The following CTTN variants were observed in gnomAD, a reference collection of about 807,000 sequenced individuals.
CTTN encodes cortactin, also known as src substrate cortactin.
In CTTN, 28 loss-of-function variants were observed where a neutral mutation model predicts 84.0. The ratio of observed to expected loss-of-function variants is 0.33; its 90% confidence interval spans 0.25 to 0.46. CTTN has a LOEUF of 0.46. Among genes scored for constraint, CTTN ranks in the 20% least tolerant of loss-of-function variants. The pLI, the probability that CTTN is intolerant of heterozygous loss-of-function variation, is 1.00. For missense variants in CTTN, 641 were observed against 723.8 expected, an observed-to-expected ratio of 0.89 and a Z score of 1.31; for synonymous variants, 301 against 288.8, an observed-to-expected ratio of 1.04 and a Z score of -0.43.
Position 70,425,366 on chromosome 11 carries a change from C to T in CTTN, c.992C>T (p.Ser331Phe). ...ACCTTTGAGGATGTCACCCAGGTGT[C>T]CTCTGCCTACCAGAAGACAGTACCT... The part of the protein sequence containing the change: ...ASTFEDVTQV[S>F]SAYQKTVPVE... The change falls in exon 13 of 18, where the codon TCC becomes TTC. Residue 331 changes from serine (S) to phenylalanine (F), a missense_variant. Physicochemically the swap from Ser to Phe is radical, Grantham distance 155 (BLOSUM62 -2). Coordinates refer to ENST00000301843, the MANE Select transcript of CTTN (RefSeq NM_005231.4). 6.2e-7 allele frequency: 1 copy of T among 1,612,800 alleles called. No individual in the cohort carries two copies. Among genetic ancestry groups the T allele is most frequent in the African/African-American group, 1.3e-5 (1 of 75,038 alleles).
Position 70,435,133 on chromosome 11 carries a change from C to G in CTTN, c.1624C>G (p.Pro542Ala), listed in dbSNP as rs766343475. The change falls in exon 18 of 18, where the codon CCA becomes GCA. Residue 542 changes from proline (P) to alanine (A), a missense_variant. By Grantham distance (27) the Pro-to-Ala change is conservative. Transcript: ENST00000301843. Reference protein sequence around the residue: ...GVCKGRYGLFPANYVELRQ With the variant: ...GVCKGRYGLFAANYVELRQ ...GTGCAAGGGCCGGTACGGGCTCTTC[C>G]CAGCCAACTATGTGGAGCTGCGGCA... is the stretch of plus-strand genomic sequence containing the variant. 5.0e-6 allele frequency: 8 copies of G among 1,613,112 alleles called. No individual in the cohort carries two copies.
At chr11:70,420,825 G>T (rs1378941727) in intron 10 of CTTN, among the ~76,000 whole-genome samples, 1 of 151,840 alleles carries the variant, frequency 6.6e-6, no homozygotes, top group Non-Finnish European at 1.5e-5. Flanking sequence ...GCGGGGGGCT[G>T]GGTTTACCCG....
intron 15 of CTTN, 62 bp from the exon 16 acceptor site, chr11:70,433,039 C>T: frequency 2.0e-6 from 3 of 1,522,210 alleles, no homozygotes; most frequent in South Asian, 2.4e-5. Context: ...TGTGGCAGTA[C>T]AGCTACTGCT....
At chr11:70,401,660 A>C (rs1449624736) in intron 1 of CTTN, among the ~76,000 whole-genome samples, 1 of 151,216 alleles carries the variant, frequency 6.6e-6, no homozygotes, top group Non-Finnish European at 1.5e-5. Flanking sequence ...ACAAAAAAAA[A>C]CAAAAAAAAA....
intron 11 of CTTN, chr11:70,422,010 G>A (rs758667122): frequency 6.5e-5 from 14 of 214,136 alleles, no homozygotes; most frequent in African/African-American, 2.3e-4. Flanking sequence ...CAGGGGCTTC[G>A]TAGCAGCAAG....
At chr11:70,432,960 C>A in intron 15 of CTTN, 141 bp from the exon 16 acceptor site, 1 of 868,788 alleles carries the variant, frequency 1.2e-6, no homozygotes, top group Non-Finnish European at 1.8e-6. Context: ...CCTGGCCTTC[C>A]TATACCGCGT....
intron 10 of CTTN, among the ~76,000 whole-genome samples, chr11:70,421,176 C>T (rs577782089): frequency 2.6e-5 from 4 of 152,262 alleles, no homozygotes; most frequent in South Asian, 2.1e-4. Context: ...GTGCGTAGGA[C>T]GCTAAGAATG....
At chr11:70,408,211 A>C (rs187807735) in intron 4 of CTTN, 4 of 152,278 alleles carry the variant, frequency 2.6e-5, no homozygotes, top group Non-Finnish European at 5.9e-5. Context: ...CGCTGGGTTC[A>C]GAGTGGATCC....
chr11:70,405,641 G>T (rs942281050), intron 2 of CTTN, among the ~76,000 whole-genome samples: 1 of 152,184 alleles, frequency 6.6e-6, no homozygotes, highest in African/African-American at 2.4e-5. Context: ...CATGAACATG[G>T]GTGGGGCCCC....
chr11:70,436,119 A>C lies in CTTN; in HGVS notation c.*957A>C. 1 of 1,431,084 alleles carries C rather than the reference A, an allele frequency of 7.0e-7. No homozygotes were observed. Among genetic ancestry groups the C allele is most frequent in the Non-Finnish European group, 9.1e-7 (1 of 1,098,070 alleles). The allele number at this position is 1,431,084 out of a possible 1,614,324, so 88.6% of individuals were successfully genotyped here. A position where few individuals can be genotyped will look rare whatever the true frequency, so the allele number is the denominator to read the frequency against. On this transcript the variant is annotated 3_prime_UTR_variant, in exon 18 of 18. Coordinates refer to ENST00000301843, the MANE Select transcript of CTTN (RefSeq NM_005231.4). ...GCCGCCAGGAACCCTCCTCCTGTCAATGGGGGTGTAGTATTTTTGCCAAAA... is the reference window on the plus strand; with the variant it reads ...GCCGCCAGGAACCCTCCTCCTGTCACTGGGGGTGTAGTATTTTTGCCAAAA...
intron 12 of CTTN, among the ~76,000 whole-genome samples, chr11:70,424,441 T>C (rs1218551171): frequency 1.3e-5 from 2 of 152,042 alleles, no homozygotes; most frequent in Non-Finnish European, 2.9e-5. Flanking sequence ...CTCTGTTTGC[T>C]GTGTGATGGA....
chr11:70,433,741 T>C (rs2058382420), intron 17 of CTTN, 23 bp downstream of exon 17: 2 of 1,563,854 alleles, frequency 1.3e-6, no homozygotes, highest in Non-Finnish European at 1.8e-6. Context: ...CAAAAGCACT[T>C]GGAGGGGAGA....
intron 1 of CTTN, among the ~76,000 whole-genome samples, chr11:70,401,990 A>G (rs906152687): frequency 6.6e-6 from 1 of 151,992 alleles, no homozygotes; most frequent in Non-Finnish European, 1.5e-5. Context: ...CATCTCTACT[A>G]AAAATACAAA....
Position 70,435,221 on chromosome 11 carries a change from CT to C in CTTN, c.*62del. On this transcript the variant is annotated 3_prime_UTR_variant, in exon 18 of 18. Transcript: ENST00000301843. Reference sequence around the variant, plus strand: ...ATCCTCACACTACAGATCAGGCCTTCTTTGGTTCTTGGGTGGTTTTGGGTTT... The same window carrying C: ...ATCCTCACACTACAGATCAGGCCTTCTTGGTTCTTGGGTGGTTTTGGGTTT... The C allele has an allele frequency of 7.4e-7, 1 of 1,355,324 alleles. No individual in the cohort carries two copies. Among genetic ancestry groups the C allele is most frequent in the Non-Finnish European group, 9.5e-7 (1 of 1,055,650 alleles). The allele number at this position is 1,355,324 out of a possible 1,614,324, so 84.0% of individuals were successfully genotyped here.
At chr11:70,426,376 A>G (rs1591447854) in intron 13 of CTTN, among the ~76,000 whole-genome samples, 1 of 149,692 alleles carries the variant, frequency 6.7e-6, no homozygotes, top group Non-Finnish European at 1.5e-5. Flanking sequence ...GCGCCACTGC[A>G]CTCCAGCCTG....
At chr11:70,429,947 TCTC>T in intron 14 of CTTN, among the ~76,000 whole-genome samples, 1 of 152,138 alleles carries the variant, frequency 6.6e-6, no homozygotes, top group South Asian at 2.1e-4. Flanking sequence ...AGCCTGGGCT[TCTC>T]CTATCCACCC....
Position 70,434,140 on chromosome 11 carries a change from T to A in CTTN, c.1516+422T>A, listed in dbSNP as rs2058387938. Among the ~76,000 whole-genome samples the A allele has an allele frequency of 2.0e-5, 3 of 152,186 alleles. No homozygotes were observed. The South Asian group carries it at 6.2e-4, about 32-fold the overall frequency. Reference sequence around the variant, plus strand: ...GCCAGCTCCCGTGTGGCCTGCACGTTCCCCTGAGTTCCCTTTGCGGCCTTG... The same window carrying A: ...GCCAGCTCCCGTGTGGCCTGCACGTACCCCTGAGTTCCCTTTGCGGCCTTG... On this transcript the variant is annotated intron_variant, in intron 17 of 17. Transcript: ENST00000301843.
chr11:70,414,458 G>T (rs1282308698), intron 5 of CTTN, 84 bp from the exon 6 acceptor site: 2 of 982,516 alleles, frequency 2.0e-6, no homozygotes, highest in Non-Finnish European at 3.2e-6. Flanking sequence ...CCAGGATGTG[G>T]CCTCCCCCAG....
At chr11:70,421,877 G>T (rs142875343) in intron 11 of CTTN, 4 of 363,614 alleles carry the variant, frequency 1.1e-5, no homozygotes, top group Non-Finnish European at 2.0e-5. Flanking sequence ...GGGCATCTCC[G>T]GTCTCCAGCA....
Sources: gnomAD v4.1 joint callset for allele counts (sites outside exome capture counted in the v4.1 genomes callset) on GRCh38, gnomAD v4.1.1 for gene constraint, MANE v1.5 for transcripts, NCBI Gene and HGNC (gene_info 2026-07-23, HGNC 2026-07-21) for gene names.